Variants in KNTC1 observed in about 807,000 individuals in gnomAD.
KNTC1 encodes kinetochore-associated protein 1.
In KNTC1, 253 loss-of-function variants were observed where a neutral mutation model predicts 314.4. That is an observed-to-expected ratio of 0.80 (90% CI 0.73 to 0.89). The LOEUF is 0.89. KNTC1 is among the 40% of genes least tolerant of loss of function. The pLI is 0.00. For missense variants in KNTC1, 2,475 were observed against 2,572.9 expected, an observed-to-expected ratio of 0.96 and a Z score of 0.82; for synonymous variants, 901 against 901.4, an observed-to-expected ratio of 1.00 and a Z score of 0.01.
rs1870079389 is a variant in KNTC1, at chr12:122,590,750, A to G, written c.4128+15A>G. On this transcript the variant is annotated intron_variant, in intron 41 of 63. Coordinates refer to ENST00000333479, the MANE Select transcript of KNTC1 (RefSeq NM_014708.6). ...ACAAAATCTTGGTATGTCCTAAGGA[A>G]GCACACCTTCAATTCTTGAAGTATT... 6.2e-7 allele frequency: 1 copy of G among 1,603,784 alleles called. No individual in the cohort carries two copies. The highest frequency in any genetic ancestry group is 8.5e-7 in the Non-Finnish European group (1 of 1,174,518).
At chr12:122,571,524 G>A (rs1453949939) in intron 24 of KNTC1, among the ~76,000 whole-genome samples, 1 of 151,528 alleles carries the variant, frequency 6.6e-6, no homozygotes, top group Non-Finnish European at 1.5e-5. Context: ...AGGCCCGACT[G>A]ATTTTTGTAT....
intron 10 of KNTC1, among the ~76,000 whole-genome samples, chr12:122,546,990 G>A (rs578044983): frequency 2.1e-4 from 32 of 150,628 alleles, no homozygotes; most frequent in Admixed American, 1.9e-3. Context: ...CCATCACCAC[G>A]CCCGGCTAAT....
chr12:122,612,164 C>G (rs1485534943), intron 53 of KNTC1, among the ~76,000 whole-genome samples: 2 of 151,036 alleles, frequency 1.3e-5, no homozygotes, highest in African/African-American at 4.9e-5. Flanking sequence ...CTCCCGGGTT[C>G]AAGCAATTCT....
At chr12:122,557,027 C>G (rs1963648466) in intron 16 of KNTC1, among the ~76,000 whole-genome samples, 1 of 150,652 alleles carries the variant, frequency 6.6e-6, no homozygotes, top group South Asian at 2.1e-4. Flanking sequence ...AGCAGGCTGG[C>G]ACTACATCTA....
intron 47 of KNTC1, 23 bp from the exon 48 acceptor site, chr12:122,603,004 C>T (rs775582138): frequency 6.2e-7 from 1 of 1,602,504 alleles, no homozygotes; most frequent in South Asian, 1.1e-5. Context: ...GTGCTTCAGC[C>T]ATAACCTTCC....
chr12:122,568,844 GAAAA>G (rs142750429), intron 21 of KNTC1, among the ~76,000 whole-genome samples: 2 of 145,308 alleles, frequency 1.4e-5, no homozygotes, highest in Non-Finnish European at 3.0e-5. Context: ...CCAAAAAAAA[GAAAA>G]AAAAAAATTA....
At chr12:122,575,215 C>T (rs1215879941) in intron 27 of KNTC1, among the ~76,000 whole-genome samples, 8 of 151,994 alleles carry the variant, frequency 5.3e-5, no homozygotes, top group Admixed American at 5.2e-4. Context: ...GAGCTGAGAT[C>T]GCGCCACTGC....
intron 27 of KNTC1, 126 bp from the exon 28 acceptor site, chr12:122,575,417 G>A (rs1964948205): frequency 1.5e-6 from 1 of 655,660 alleles, no homozygotes; most frequent in Non-Finnish European, 2.7e-6. Flanking sequence ...GTTTTCCAGT[G>A]AGTGGATGAA....
At chr12:122,624,544 A>G (rs1302484101) in intron 62 of KNTC1, 54 bp from the exon 63 acceptor site, 6 of 1,330,152 alleles carry the variant, frequency 4.5e-6, no homozygotes, top group Middle Eastern at 1.8e-4. Flanking sequence ...CCGGGATTGT[A>G]GGCACAAGGC....
chr12:122,557,553 T>C (rs771146082), intron 17 of KNTC1, 44 bp downstream of exon 17: 4 of 1,611,796 alleles, frequency 2.5e-6, no homozygotes, highest in Admixed American at 3.3e-5. Context: ...GATTGACGTG[T>C]TGATCAACAT....
At chr12:122,590,966 T>C (rs1238101338) in intron 41 of KNTC1, among the ~76,000 whole-genome samples, 1 of 152,106 alleles carries the variant, frequency 6.6e-6, no homozygotes, top group East Asian at 1.9e-4. Flanking sequence ...AAAATCTGTG[T>C]ACACCCTTAG....
chr12:122,597,675 T>C lies in KNTC1; in HGVS notation c.4356-56T>C. The C allele has an allele frequency of 2.8e-6, 4 of 1,423,738 alleles. No homozygotes were observed. In the South Asian group the frequency reaches 4.6e-5, roughly 16 times the overall value. The allele number at this position is 1,423,738 out of a possible 1,614,324, so 88.2% of individuals were successfully genotyped here. On this transcript the variant is annotated intron_variant, in intron 43 of 63. Coordinates refer to ENST00000333479, the MANE Select transcript of KNTC1 (RefSeq NM_014708.6). ...GTACCCAAGTGTTTTGTCAGATACT[T>C]TGCATGGAAATGCCTGCAGTTTGGG...
At chr12:122,536,534 T>TTC (rs899642607) in intron 3 of KNTC1, among the ~76,000 whole-genome samples, 2 of 151,430 alleles carry the variant, frequency 1.3e-5, no homozygotes, top group African/African-American at 4.9e-5. Context: ...TTTTTTTTTT[T>TTC]TCCCTGAGAC....
At chr12:122,590,522 T>C (rs1870037251) in intron 40 of KNTC1, 85 bp from the exon 41 acceptor site, 1 of 1,304,502 alleles carries the variant, frequency 7.7e-7, no homozygotes, top group Non-Finnish European at 1.0e-6. Flanking sequence ...TATTCCTCTT[T>C]ATTTGTATTT....
At chr12:122,600,515 G>GT (rs1871716443) in intron 44 of KNTC1, among the ~76,000 whole-genome samples, 1 of 152,138 alleles carries the variant, frequency 6.6e-6, no homozygotes, top group East Asian at 1.9e-4. Flanking sequence ...GAGGCCCACA[G>GT]TTTTACTCAT....
At chr12:122,534,865 C>G (rs1350616050) in intron 3 of KNTC1, 81 bp downstream of exon 3, 1 of 1,308,016 alleles carries the variant, frequency 7.6e-7, no homozygotes, top group Admixed American at 1.9e-5. Context: ...ATTGCCTCCT[C>G]TTTACTCCAT....
intron 20 of KNTC1, among the ~76,000 whole-genome samples, chr12:122,562,927 T>G (rs908870066): frequency 2.0e-5 from 3 of 151,952 alleles, no homozygotes; most frequent in Admixed American, 1.3e-4. Context: ...GAGAGTCACT[T>G]GAACCCGGGA....
chr12:122,612,447 C>T (rs1183610383), intron 53 of KNTC1, among the ~76,000 whole-genome samples: 10 of 144,928 alleles, frequency 6.9e-5, no homozygotes, highest in Non-Finnish European at 1.4e-4. Flanking sequence ...GAGAGAGTCT[C>T]ACTCTGTTGC....
chr12:122,532,477 G>T (rs750804261), intron 2 of KNTC1, among the ~76,000 whole-genome samples: 1 of 152,052 alleles, frequency 6.6e-6, no homozygotes, highest in Non-Finnish European at 1.5e-5. Flanking sequence ...AAAGTTCTGG[G>T]ATTACAGGTG....
Sources: allele counts gnomAD v4.1 joint callset (sites outside exome capture counted in the v4.1 genomes callset), GRCh38; gene constraint gnomAD v4.1.1; transcripts MANE v1.5; gene names NCBI Gene and HGNC (gene_info 2026-07-23, HGNC 2026-07-21).